Variants in MAPK8 observed in about 807,000 individuals in gnomAD.
MAPK8 encodes the protein JUN N-terminal kinase.
In MAPK8, 13 loss-of-function variants were observed where a neutral mutation model predicts 52.9. The ratio of observed to expected loss-of-function variants is 0.25; its 90% CI spans 0.16 to 0.39. The LOEUF is 0.39. MAPK8 is among the 10% of genes least tolerant of loss of function. The pLI is 1.00. For synonymous variants in MAPK8, 191 were observed against 169.8 expected, an observed-to-expected ratio of 1.12 and a Z score of -0.97; for missense variants, 300 against 519.2, an observed-to-expected ratio of 0.58 and a Z score of 4.10.
At chr10:48,415,514 T>C (rs893781134) in intron 5 of MAPK8, among the ~76,000 whole-genome samples, 8 of 152,264 alleles carry the variant, frequency 5.3e-5, no homozygotes, top group African/African-American at 1.9e-4. Context: ...AAGGTCAGAT[T>C]TTGGCAGCAC....
intron 1 of MAPK8, among the ~76,000 whole-genome samples, chr10:48,312,482 A>G (rs1313858025): frequency 6.6e-6 from 1 of 152,196 alleles, no homozygotes; most frequent in African/African-American, 2.4e-5. Flanking sequence ...GCCACCCACC[A>G]TATTTCTGGG....
intron 1 of MAPK8, among the ~76,000 whole-genome samples, chr10:48,353,454 T>G (rs1337604125): frequency 6.6e-6 from 1 of 152,170 alleles, no homozygotes; most frequent in Non-Finnish European, 1.5e-5. Context: ...CCAATTGATT[T>G]TGACAGACGT....
At chr10:48,355,090 T>C (rs1330003688) in intron 1 of MAPK8, among the ~76,000 whole-genome samples, 3 of 152,246 alleles carry the variant, frequency 2.0e-5, no homozygotes, top group Non-Finnish European at 4.4e-5. Flanking sequence ...AAGTGTTTCA[T>C]ATGTTTCAAC....
intron 5 of MAPK8, 144 bp from the exon 6 acceptor site, chr10:48,420,011 A>G (rs1447488801): frequency 3.9e-6 from 2 of 506,752 alleles, no homozygotes; most frequent in South Asian, 5.1e-5. Flanking sequence ...TTGCCTTTTA[A>G]CGATGAATCA....
At chr10:48,386,881 T>G (rs1462926751) in intron 1 of MAPK8, among the ~76,000 whole-genome samples, 1 of 152,208 alleles carries the variant, frequency 6.6e-6, no homozygotes, top group Non-Finnish European at 1.5e-5. Flanking sequence ...TTGAGATCTT[T>G]AATAAATAAC....
intron 1 of MAPK8, among the ~76,000 whole-genome samples, chr10:48,366,487 G>A (rs1483748021): frequency 2.0e-5 from 3 of 152,136 alleles, no homozygotes; most frequent in African/African-American, 7.2e-5. Flanking sequence ...CCTGGGATTG[G>A]CTGAGACTCA....
chr10:48,330,501 A>C (rs184182990), intron 1 of MAPK8, among the ~76,000 whole-genome samples: 1 of 152,350 alleles, frequency 6.6e-6, no homozygotes, highest in Non-Finnish European at 1.5e-5. Context: ...ATTAAGCCAG[A>C]CCATAAAGGG....
At chr10:48,311,357 C>T (rs1841970796) in intron 1 of MAPK8, among the ~76,000 whole-genome samples, 5 of 152,142 alleles carry the variant, frequency 3.3e-5, no homozygotes, top group Admixed American at 3.3e-4. Flanking sequence ...CTCATGTAAT[C>T]TGAATTGACT....
rs374733774 is a variant in MAPK8, at chr10:48,417,779, G to A, written c.451-2376G>A. On this transcript the variant is annotated intron_variant, in intron 5 of 11. Coordinates refer to ENST00000374189, the MANE Select transcript of MAPK8 (RefSeq NM_001323329.2). ...AACAATCTACCATACTTTCTTCCAGGGGTCTAGTAGCATTTAGCTTTTCCA... is the reference window on the plus strand; with the variant it reads ...AACAATCTACCATACTTTCTTCCAGAGGTCTAGTAGCATTTAGCTTTTCCA... Among the ~76,000 whole-genome samples the A allele has an allele frequency of 3.4e-4, 51 of 152,222 alleles. No individual in the cohort carries two copies. In the South Asian group the frequency reaches 6.8e-3, roughly 20 times the overall value.
rs772727602 is a variant in MAPK8 at position 48,425,226 on chromosome 10, T to A, written c.689-662T>A. On this transcript the variant is annotated intron_variant, in intron 7 of 11. Coordinates refer to ENST00000374189, the MANE Select transcript of MAPK8 (RefSeq NM_001323329.2). Reference sequence around the variant, plus strand: ...ATTCACAAGGTTACAATAAGTGAGTTTTAGGCCTTGGCCTTCAGGGTCCTG... The same window carrying A: ...ATTCACAAGGTTACAATAAGTGAGTATTAGGCCTTGGCCTTCAGGGTCCTG... 5.3e-6 allele frequency: 4 copies of A among 759,160 alleles called. No homozygotes were observed. In the African/African-American group the frequency reaches 6.8e-5, roughly 13 times the overall value. The allele number at this position is 759,160 out of a possible 1,614,324, so 47.0% of individuals were successfully genotyped here.
At chr10:48,320,062 G>C (rs984533517) in intron 1 of MAPK8, among the ~76,000 whole-genome samples, 1 of 151,430 alleles carries the variant, frequency 6.6e-6, no homozygotes, top group Non-Finnish European at 1.5e-5. Context: ...GATTACAGGC[G>C]CATGCCACCA....
At chr10:48,376,676 A>G (rs565466861) in intron 1 of MAPK8, among the ~76,000 whole-genome samples, 9 of 152,342 alleles carry the variant, frequency 5.9e-5, no homozygotes, top group South Asian at 4.1e-4. Context: ...AGAAACCACA[A>G]TGAGATACCA....
intron 1 of MAPK8, among the ~76,000 whole-genome samples, chr10:48,358,236 G>A (rs1847169450): frequency 6.6e-6 from 1 of 152,206 alleles, no homozygotes; most frequent in Non-Finnish European, 1.5e-5. Context: ...GAGGTACCCA[G>A]CAAACTGTTT....
chr10:48,401,880 G>GAAAAATTAAATTAAAACT (rs2042177193), intron 2 of MAPK8, 98 bp downstream of exon 2: 1 of 1,035,188 alleles, frequency 9.7e-7, no homozygotes, highest in Non-Finnish European at 1.3e-6. Context: ...AACTTGCTTT[G>GAAAAATTAAATTAAAACT]AAAAATTAAA....
chr10:48,400,753 A>G (rs1338787879), intron 1 of MAPK8, among the ~76,000 whole-genome samples: 1 of 152,224 alleles, frequency 6.6e-6, no homozygotes, highest in Non-Finnish European at 1.5e-5. Context: ...GAGGCGAGGA[A>G]TAGGTTAAAG....
intron 10 of MAPK8, chr10:48,430,842 C>T: frequency 3.9e-6 from 1 of 257,396 alleles, no homozygotes; most frequent in Non-Finnish European, 7.3e-6. Flanking sequence ...GGTTCAAGCC[C>T]TCCCTGAGAC....
intron 11 of MAPK8, among the ~76,000 whole-genome samples, chr10:48,434,275 G>C (rs966318476): frequency 6.6e-6 from 1 of 152,218 alleles, no homozygotes; most frequent in Non-Finnish European, 1.5e-5. Flanking sequence ...AGTGACAGTG[G>C]CATGTCCCAT....
chr10:48,410,149 C>G lies in MAPK8; in HGVS notation c.431C>G (p.Ser144Cys). ...CTGTGTGGAATCAAGCACCTTCATT[C>G]TGCTGGAATTATTCATCGGGTTAGT... ...QMLCGIKHLH[S>C]AGIIHRDLKP... Residue 144 changes from serine (S) to cysteine (C), a missense_variant, in exon 5 of 12, where the codon TCT (serine) becomes TGT (cysteine). Transcript: ENST00000374189. The G allele has an allele frequency of 1.3e-6, 2 of 1,544,656 alleles. No individual in the cohort carries two copies. The highest frequency in any genetic ancestry group is 1.7e-6 in the Non-Finnish European group (2 of 1,148,900).
intron 1 of MAPK8, among the ~76,000 whole-genome samples, chr10:48,356,245 A>G (rs1846925263): frequency 6.6e-6 from 1 of 152,220 alleles, no homozygotes; most frequent in African/African-American, 2.4e-5. Context: ...AGAAGGATGA[A>G]TGGAGTTTCT....
Sources: gnomAD v4.1 joint callset for allele counts (sites outside exome capture counted in the v4.1 genomes callset) on GRCh38, gnomAD v4.1.1 for gene constraint, MANE v1.5 for transcripts, NCBI Gene and HGNC (gene_info 2026-07-23, HGNC 2026-07-21) for gene names.